The following SAMMSON variants were observed in gnomAD, a reference collection of about 807,000 sequenced individuals.
The protein encoded by SAMMSON is survival associated mitochondrial melanoma specific oncogenic non-coding RNA.
chr3:70,150,555 C>T (rs1421819327), intron 4 of SAMMSON, among the ~76,000 whole-genome samples: 1 of 151,950 alleles, frequency 6.6e-6, no homozygotes, highest in Non-Finnish European at 1.5e-5. Context: ...GGCTTTGTTT[C>T]TGAATTTGGC....
At chr3:70,320,549 C>T (rs1464695869) in intron 7 of SAMMSON, among the ~76,000 whole-genome samples, 1 of 152,028 alleles carries the variant, frequency 6.6e-6, no homozygotes, top group Non-Finnish European at 1.5e-5. Flanking sequence ...TTCAAGTCCC[C>T]TCTTTTCTCC....
At chr3:70,412,403 G>A (rs1701227729) in intron 2 of SAMMSON, among the ~76,000 whole-genome samples, 1 of 152,138 alleles carries the variant, frequency 6.6e-6, no homozygotes, top group African/African-American at 2.4e-5. Flanking sequence ...AGACTAAAAT[G>A]CCTAGATGCT....
intron 4 of SAMMSON, among the ~76,000 whole-genome samples, chr3:70,152,698 A>C (rs2067576491): frequency 6.6e-6 from 1 of 152,036 alleles, no homozygotes; most frequent in African/African-American, 2.4e-5. Flanking sequence ...ACAAAAAGCT[A>C]TCAGTCTGCT....
chr3:70,374,965 C>G (rs2106748110), intron 9 of SAMMSON, among the ~76,000 whole-genome samples: 1 of 152,156 alleles, frequency 6.6e-6, no homozygotes, highest in African/African-American at 2.4e-5. Flanking sequence ...GTTATTTTCT[C>G]CAATATTGAG....
chr3:70,427,800 C>A (rs1008246193), intron 2 of SAMMSON, among the ~76,000 whole-genome samples: 1 of 151,564 alleles, frequency 6.6e-6, no homozygotes, highest in African/African-American at 2.4e-5. Context: ...TAATGGCCTG[C>A]CATTGGAAAT....
chr3:70,077,477 GAGTC>G (rs1021214245), intron 4 of SAMMSON, among the ~76,000 whole-genome samples: 65 of 152,158 alleles, frequency 4.3e-4, no homozygotes, highest in African/African-American at 1.5e-3. Context: ...GAGGAGGAAA[GAGTC>G]AGAGGTATCA....
At chr3:70,041,464 T>G (rs555774199) in intron 3 of SAMMSON, among the ~76,000 whole-genome samples, 2 of 152,174 alleles carry the variant, frequency 1.3e-5, no homozygotes, top group South Asian at 4.1e-4. Context: ...AATTAGGATC[T>G]CCAGGTCTCA....
chr3:70,402,331 C>T (rs1384737662), intron 2 of SAMMSON, among the ~76,000 whole-genome samples: 1 of 152,040 alleles, frequency 6.6e-6, no homozygotes, highest in Non-Finnish European at 1.5e-5. Context: ...CTGTTTGATA[C>T]GTGAGAATAA....
At chr3:70,129,209 G>A (rs1343556806) in intron 4 of SAMMSON, among the ~76,000 whole-genome samples, 1 of 152,168 alleles carries the variant, frequency 6.6e-6, no homozygotes, top group Non-Finnish European at 1.5e-5. Context: ...TCAAACTAGT[G>A]TGGTTGTCAA....
intron 6 of SAMMSON, among the ~76,000 whole-genome samples, chr3:70,258,278 T>G (rs1701835501): frequency 1.3e-5 from 2 of 152,266 alleles, no homozygotes; most frequent in African/African-American, 4.8e-5. Flanking sequence ...GCCATAAAAC[T>G]TAATAAATTG....
At chr3:70,291,404 C>A (rs1328154960) in intron 7 of SAMMSON, among the ~76,000 whole-genome samples, 1 of 152,254 alleles carries the variant, frequency 6.6e-6, no homozygotes, top group Non-Finnish European at 1.5e-5. Flanking sequence ...ACAAATATAT[C>A]GTATTACTAA....
chr3:70,328,562 A>T (rs1306129574), intron 7 of SAMMSON, among the ~76,000 whole-genome samples: 1 of 152,178 alleles, frequency 6.6e-6, no homozygotes. Flanking sequence ...AGAACAGATT[A>T]AGGACTGCAG....
chr3:70,017,996 T>C (rs2066993424), intron 3 of SAMMSON, among the ~76,000 whole-genome samples: 1 of 152,208 alleles, frequency 6.6e-6, no homozygotes, highest in Non-Finnish European at 1.5e-5. Context: ...CAGTATTTTA[T>C]TGAGGATTTT....
At chr3:70,291,795 A>C (rs1702242066) in intron 7 of SAMMSON, 2 of 152,208 alleles carry the variant, frequency 1.3e-5, no homozygotes, top group African/African-American at 4.8e-5. Context: ...CTAAATTTTG[A>C]ATAATACATT....
chr3:70,190,314 GTC>G (rs1215555214), intron 4 of SAMMSON, among the ~76,000 whole-genome samples: 3 of 152,134 alleles, frequency 2.0e-5, no homozygotes, highest in African/African-American at 7.2e-5. Context: ...ACCTTTCTCA[GTC>G]TCTACTCTCC....
chr3:70,100,385 C>G (rs1441309752), intron 4 of SAMMSON, among the ~76,000 whole-genome samples: 4 of 151,996 alleles, frequency 2.6e-5, no homozygotes, highest in South Asian at 4.2e-4. Flanking sequence ...TGAGCTCAAG[C>G]AATCTGTTTA....
At chr3:70,221,218 A>C (rs1701457982) in intron 4 of SAMMSON, among the ~76,000 whole-genome samples, 1 of 152,160 alleles carries the variant, frequency 6.6e-6, no homozygotes. Context: ...TCATTTATTC[A>C]TTAGTGCCTG....
intron 4 of SAMMSON, among the ~76,000 whole-genome samples, chr3:70,114,717 A>G (rs1413135973): frequency 2.0e-5 from 3 of 152,204 alleles, no homozygotes; most frequent in South Asian, 2.1e-4. Context: ...AACATCTTCA[A>G]CAAAGGCCAA....
At chr3:70,265,290 GA>G (rs766486440) in intron 6 of SAMMSON, among the ~76,000 whole-genome samples, 4 of 152,142 alleles carry the variant, frequency 2.6e-5, no homozygotes, top group Admixed American at 6.5e-5. Context: ...GTGAAGAAGG[GA>G]GAAAAAACTA....
Sources: gnomAD v4.1 joint callset for allele counts (sites outside exome capture counted in the v4.1 genomes callset) on GRCh38, gnomAD v4.1.1 for gene constraint, MANE v1.5 for transcripts, NCBI Gene and HGNC (gene_info 2026-07-23, HGNC 2026-07-21) for gene names.